Variants in PLD1 observed in about 807,000 individuals in gnomAD.
PLD1 encodes the protein choline phosphatase 1.
PLD1 carries 112 observed loss-of-function variants against 137.1 expected under a neutral mutation model. That is an observed-to-expected ratio of 0.82 (90% CI 0.70 to 0.96). PLD1 has a LOEUF of 0.96. Among genes scored for constraint, PLD1 ranks in the 40% least tolerant of loss-of-function variants. PLD1 has a pLI of 0.00. For synonymous variants in PLD1, 431 were observed against 454.7 expected, an observed-to-expected ratio of 0.95 and a Z score of 0.66; for missense variants, 1,321 against 1,342.0, an observed-to-expected ratio of 0.98 and a Z score of 0.24.
intron 8 of PLD1, among the ~76,000 whole-genome samples, chr3:171,718,845 A>T (rs1717871442): frequency 6.6e-6 from 1 of 152,228 alleles, no homozygotes; most frequent in Non-Finnish European, 1.5e-5. Context: ...ATTAACTGAG[A>T]TAACTCATGC....
At chr3:171,788,670 A>T (rs1723107908) in intron 1 of PLD1, 1 of 152,240 alleles carries the variant, frequency 6.6e-6, no homozygotes, top group South Asian at 2.1e-4. Flanking sequence ...TACTGTCAAG[A>T]TGATGACGAA....
At chr3:171,755,717 A>G (rs929826250) in intron 1 of PLD1, among the ~76,000 whole-genome samples, 1 of 152,074 alleles carries the variant, frequency 6.6e-6, no homozygotes, top group Non-Finnish European at 1.5e-5. Context: ...AAAGACTGGG[A>G]GCTCCCTGAA....
At chr3:171,707,165 A>C (rs1193316078) in intron 11 of PLD1, among the ~76,000 whole-genome samples, 1 of 152,178 alleles carries the variant, frequency 6.6e-6, no homozygotes, top group Non-Finnish European at 1.5e-5. Context: ...AGGGCCTTTC[A>C]GAAGGTAGAG....
chr3:171,791,436 GAC>G (rs1723207899), intron 1 of PLD1, among the ~76,000 whole-genome samples: 2 of 152,244 alleles, frequency 1.3e-5, no homozygotes, highest in South Asian at 4.1e-4. Flanking sequence ...CATCAAGAGT[GAC>G]ACACATTTCT....
intron 11 of PLD1, among the ~76,000 whole-genome samples, chr3:171,700,346 TCTCTCC>T (rs1480304627): frequency 6.6e-6 from 1 of 151,356 alleles, no homozygotes; most frequent in East Asian, 1.9e-4. Flanking sequence ...TCTCTCTCTC[TCTCTCC>T]CTCTCCCTCT....
At chr3:171,674,446 C>T in intron 19 of PLD1, 54 bp downstream of exon 19, 2 of 906,610 alleles carry the variant, frequency 2.2e-6, no homozygotes, top group Non-Finnish European at 3.5e-6. Flanking sequence ...GGTCCAATAA[C>T]AGTAATTTTA....
At chr3:171,683,267 T>G (rs1167442404) in intron 16 of PLD1, among the ~76,000 whole-genome samples, 1 of 152,146 alleles carries the variant, frequency 6.6e-6, no homozygotes, top group African/African-American at 2.4e-5. Flanking sequence ...GCCACCCTGG[T>G]CTGCTCTGAA....
chr3:171,697,331 G>A (rs906684775), intron 12 of PLD1, among the ~76,000 whole-genome samples: 1 of 136,854 alleles, frequency 7.3e-6, no homozygotes, highest in Non-Finnish European at 1.5e-5. Flanking sequence ...TGCAAGCTCC[G>A]CCTCCCGGGT....
chr3:171,650,082 C>T (rs1266207164), intron 21 of PLD1, among the ~76,000 whole-genome samples: 1 of 152,162 alleles, frequency 6.6e-6, no homozygotes, highest in African/African-American at 2.4e-5. Flanking sequence ...GCATTGCTCC[C>T]GGGGTGGCAC....
chr3:171,726,011 A>C lies in PLD1; in HGVS notation c.665+7T>G. 1 of 1,591,164 alleles carries C rather than the reference A, an allele frequency of 6.3e-7. No individual in the cohort carries two copies. On this transcript the variant is annotated splice_region_variant and intron_variant, in intron 7 of 26. Coordinates refer to ENST00000351298, the MANE Select transcript of PLD1 (RefSeq NM_002662.5). ...ATACTTCTCTTTTAAGGTTTATTGC[A>C]ACTTACATGCCCTTTGGTCCCAAAT...
At position 171,726,612 on chromosome 3, in the gene PLD1, C is replaced by T. The variant is rs187052740; in HGVS notation, c.607-536G>A. Among the ~76,000 whole-genome samples the T allele has an allele frequency of 2.6e-5, 4 of 152,070 alleles. No homozygotes were observed. The East Asian group carries it at 7.7e-4, about 29-fold the overall frequency. ...GGAAAAGAATAAAAAATTAAACAGG[C>T]TGAAAAGAGAATGGGGAGGGCTTTG... On this transcript the variant is annotated intron_variant, in intron 6 of 26. Transcript: ENST00000351298.
intron 1 of PLD1, chr3:171,788,856 T>A (rs1289552326): frequency 6.6e-6 from 1 of 152,230 alleles, no homozygotes. Context: ...TTAGATTCTC[T>A]GCGTCATGAG....
chr3:171,684,001 A>ATC (rs1714283645), intron 16 of PLD1, among the ~76,000 whole-genome samples: 1 of 151,780 alleles, frequency 6.6e-6, no homozygotes, highest in East Asian at 1.9e-4. Context: ...CTCTCTCTCT[A>ATC]TCTCTCTCTC....
At chr3:171,633,868 T>C (rs560982861) in intron 23 of PLD1, among the ~76,000 whole-genome samples, 3 of 152,306 alleles carry the variant, frequency 2.0e-5, no homozygotes, top group South Asian at 4.1e-4. Flanking sequence ...AAATTAAACA[T>C]TAAATCTCTG....
intron 1 of PLD1, among the ~76,000 whole-genome samples, chr3:171,791,025 T>A (rs1187639252): frequency 6.6e-6 from 1 of 152,232 alleles, no homozygotes; most frequent in Non-Finnish European, 1.5e-5. Flanking sequence ...ATTAAGTGTT[T>A]AAGAGGATTA....
intron 12 of PLD1, among the ~76,000 whole-genome samples, chr3:171,698,906 G>A (rs2108539581): frequency 6.7e-6 from 1 of 149,386 alleles, no homozygotes; most frequent in East Asian, 2.0e-4. Context: ...AAGCTGGGAG[G>A]CAGAGGTTGC....
At chr3:171,654,829 T>C (rs939215020) in intron 21 of PLD1, among the ~76,000 whole-genome samples, 4 of 152,162 alleles carry the variant, frequency 2.6e-5, no homozygotes, top group African/African-American at 9.7e-5. Context: ...CCCCCGGCTG[T>C]TCTGAGGTCA....
chr3:171,725,103 G>C lies in PLD1; in HGVS notation c.666-315C>G, dbSNP rs1037822583. Among the ~76,000 whole-genome samples the C allele has an allele frequency of 3.9e-5, 6 of 152,136 alleles. No individual in the cohort carries two copies. In the East Asian group the frequency reaches 1.2e-3, roughly 29 times the overall value. ...GTGTTCCCGTTAACTCGTCATTAAT[G>C]GGTGCAGCACACCAACATGGCACAT... On this transcript the variant is annotated intron_variant, in intron 7 of 26. Transcript: ENST00000351298.
chr3:171,710,426 C>G (rs763561998), intron 9 of PLD1, among the ~76,000 whole-genome samples: 13 of 152,116 alleles, frequency 8.5e-5, no homozygotes, highest in Admixed American at 3.3e-4. Flanking sequence ...CGAGATGAAA[C>G]CGTTCCACCT....
Sources: gnomAD v4.1 joint callset for allele counts (sites outside exome capture counted in the v4.1 genomes callset) on GRCh38, gnomAD v4.1.1 for gene constraint, MANE v1.5 for transcripts, NCBI Gene and HGNC (gene_info 2026-07-23, HGNC 2026-07-21) for gene names.